CCDC7: variants seen among roughly 807,000 people sequenced by gnomAD.
CCDC7 encodes coiled-coil domain containing 7.
A neutral mutation model predicts 196.9 loss-of-function variants in CCDC7; 183 were observed. The ratio of observed to expected loss-of-function variants is 0.93; its 90% CI spans 0.82 to 1.05. The LOEUF (loss-of-function observed/expected upper bound fraction) is 1.05, where lower values mean the gene tolerates loss of function less well. Among genes scored for constraint, CCDC7 ranks in the 50% least tolerant of loss-of-function variants. CCDC7 has a pLI of 0.00. For missense variants in CCDC7, 1,540 were observed against 1,482.2 expected, an observed-to-expected ratio of 1.04 and a Z score of -0.64; for synonymous variants, 525 against 484.6, an observed-to-expected ratio of 1.08 and a Z score of -1.10.
chr10:32,673,286 C>T (rs2074363167), intron 21 of CCDC7, among the ~76,000 whole-genome samples: 1 of 151,690 alleles, frequency 6.6e-6, no homozygotes, highest in Admixed American at 6.6e-5. Context: ...TTTTTGGTTC[C>T]ATATGAATTT....
At chr10:32,810,965 CAAATGA>C (rs1431874963) in intron 30 of CCDC7, among the ~76,000 whole-genome samples, 7 of 151,676 alleles carry the variant, frequency 4.6e-5, no homozygotes, top group East Asian at 1.9e-4. Flanking sequence ...ATGCTTGAAA[CAAATGA>C]AAATGAAAAT....
At chr10:32,533,175 A>G (rs1447949548) in intron 11 of CCDC7, among the ~76,000 whole-genome samples, 1 of 151,772 alleles carries the variant, frequency 6.6e-6, no homozygotes, top group Non-Finnish European at 1.5e-5. Context: ...AACATTGTAT[A>G]GATATAACAA....
chr10:32,843,584 G>T (rs1014843364), intron 33 of CCDC7, among the ~76,000 whole-genome samples: 1 of 151,896 alleles, frequency 6.6e-6, no homozygotes, highest in Non-Finnish European at 1.5e-5. Flanking sequence ...GCAATGAGAG[G>T]ATACTGTGAG....
chr10:32,851,875 G>A, exon 40 of CCDC7: 1 of 1,611,486 alleles, frequency 6.2e-7, no homozygotes, highest in South Asian at 1.1e-5. Flanking sequence ...AACATATAGG[G>A]CTGGTCCAAG....
At chr10:32,672,795 C>T (rs1327925354) in intron 21 of CCDC7, among the ~76,000 whole-genome samples, 1 of 152,130 alleles carries the variant, frequency 6.6e-6, no homozygotes, top group African/African-American at 2.4e-5. Flanking sequence ...GGACATTGTG[C>T]TCCACTGTGT....
intron 8 of CCDC7, among the ~76,000 whole-genome samples, chr10:32,481,367 A>G (rs2039931108): frequency 6.6e-6 from 1 of 152,068 alleles, no homozygotes; most frequent in East Asian, 1.9e-4. Context: ...GCTGTTTTGT[A>G]GATCCTTTGT....
chr10:32,518,120 C>A (rs1367383159), intron 10 of CCDC7, 145 bp downstream of exon 11: 1 of 1,097,396 alleles, frequency 9.1e-7, no homozygotes, highest in South Asian at 2.1e-5. Flanking sequence ...TGTGAACTTT[C>A]TGGAAAGCCT....
downstream of CCDC7, among the ~76,000 whole-genome samples, chr10:32,879,452 C>T (rs1009445442): frequency 1.3e-5 from 2 of 152,116 alleles, no homozygotes; most frequent in Non-Finnish European, 2.9e-5. Flanking sequence ...CTTAGACCTA[C>T]AGCCTTAAGG....
chr10:32,625,145 G>A (rs966926135), intron 18 of CCDC7, among the ~76,000 whole-genome samples: 3 of 151,286 alleles, frequency 2.0e-5, no homozygotes, highest in South Asian at 4.2e-4. Flanking sequence ...ACGTTTTATG[G>A]TATTATGCTT....
intron 13 of CCDC7, among the ~76,000 whole-genome samples, chr10:32,547,057 C>T (rs540678994): frequency 1.4e-4 from 21 of 152,174 alleles, no homozygotes; most frequent in African/African-American, 5.1e-4. Context: ...CTCACTCTGT[C>T]ACCTAGGTTG....
chr10:32,821,815 G>T lies in CCDC7; in HGVS notation c.3182-2703G>T, dbSNP rs373364574. Reference sequence around the variant, plus strand: ...ATCACACACTGGGGCCTGTTGTGGGGTGGGGGTAGGGGGAGGGATAGCATT... The same window carrying T: ...ATCACACACTGGGGCCTGTTGTGGGTTGGGGGTAGGGGGAGGGATAGCATT... On this transcript the variant is annotated intron_variant, in intron 31 of 41. Transcript: ENST00000639629. 1.5e-4 allele frequency among the ~76,000 whole-genome samples: 23 copies of T among 152,068 alleles called. 1 individual carries two copies. Among genetic ancestry groups the T allele is most frequent in the Admixed American group, 8.5e-4 (13 of 15,274 alleles).
At chr10:32,785,274 A>T (rs2081661216) in intron 29 of CCDC7, among the ~76,000 whole-genome samples, 1 of 152,216 alleles carries the variant, frequency 6.6e-6, no homozygotes, top group Non-Finnish European at 1.5e-5. Flanking sequence ...CCAAAAAATG[A>T]TTTCCACAAA....
At chr10:32,662,998 T>TC (rs2071831283) in intron 20 of CCDC7, among the ~76,000 whole-genome samples, 1 of 149,766 alleles carries the variant, frequency 6.7e-6, no homozygotes, top group Admixed American at 6.9e-5. Context: ...ACCAAATTAG[T>TC]CAGAGGCCGA....
intron 21 of CCDC7, among the ~76,000 whole-genome samples, chr10:32,678,518 G>A (rs2075369453): frequency 6.6e-6 from 1 of 152,120 alleles, no homozygotes; most frequent in South Asian, 2.1e-4. Flanking sequence ...TTGTGTGTCA[G>A]CTATTGGATC....
chr10:32,564,545 G>A (rs1473328223), intron 13 of CCDC7, among the ~76,000 whole-genome samples: 1 of 150,996 alleles, frequency 6.6e-6, no homozygotes, highest in African/African-American at 2.4e-5. Flanking sequence ...GTAAACTATC[G>A]CAAGAACAAA....
intron 8 of CCDC7, among the ~76,000 whole-genome samples, chr10:32,487,377 G>T (rs1171983039): frequency 6.6e-6 from 1 of 152,134 alleles, no homozygotes; most frequent in Non-Finnish European, 1.5e-5. Context: ...ATTCTAGTTA[G>T]CCATTCGTCT....
intron 5 of CCDC7, among the ~76,000 whole-genome samples, chr10:32,463,287 T>C (rs1460210670): frequency 6.6e-6 from 1 of 152,184 alleles, no homozygotes; most frequent in Non-Finnish European, 1.5e-5. Context: ...ACACATTTTT[T>C]TTCCTAAAAT....
rs750977824 is a variant in CCDC7, at chr10:32,518,549, G to A, written c.993+44G>A. 12 of 1,474,860 alleles carry A rather than the reference G, an allele frequency of 8.1e-6. No individual in the cohort carries two copies. The African/African-American group carries it at 1.1e-4, about 14-fold the overall frequency. 91.4% of individuals were successfully genotyped at this position (1,474,860 alleles called of 1,614,324 possible). The stretch of plus-strand genomic sequence containing the variant: ...TTTGAAAATGGCATACACCTAATAA[G>A]GCTTATTATGTTAGGATAGAAATCA... On this transcript the variant is annotated intron_variant, in intron 11 of 41. Coordinates refer to ENST00000639629, the Ensembl canonical transcript of CCDC7.
intron 11 of CCDC7, among the ~76,000 whole-genome samples, chr10:32,534,492 G>A (rs1388472771): frequency 1.3e-5 from 2 of 151,966 alleles, no homozygotes; most frequent in Non-Finnish European, 2.9e-5. Flanking sequence ...CCTTTGCTTT[G>A]AAGAATTACT....
Sources: allele counts gnomAD v4.1 joint callset (sites outside exome capture counted in the v4.1 genomes callset), GRCh38; gene constraint gnomAD v4.1.1; transcripts MANE v1.5; gene names NCBI Gene and HGNC (gene_info 2026-07-23, HGNC 2026-07-21).